The following SAMD11 variants were observed in gnomAD, a reference collection of about 807,000 sequenced individuals.
SAMD11 encodes the protein sterile alpha motif domain-containing protein 11.
In SAMD11, 77 loss-of-function variants were observed where a neutral mutation model predicts 64.4. The ratio of observed to expected loss-of-function variants is 1.20; its 90% CI spans 0.99 to 1.44. The LOEUF is 1.44. SAMD11 is among the 40% of genes most tolerant of loss of function. SAMD11 has a pLI of 0.00. For missense variants in SAMD11, 1,402 were observed against 943.3 expected (o/e 1.49, Z -6.37); for synonymous variants, 658 against 421.9 (o/e 1.56, Z -6.86).
In SAMD11 at chr1:944,353, G is replaced by C; in HGVS notation, c.*200G>C. Reference sequence around the variant, plus strand: ...GGCAGAGCCTGGTGCAGATGGACGAGGTCTGCAGACGGAGGGCAGAGGTGG... The same window carrying C: ...GGCAGAGCCTGGTGCAGATGGACGACGTCTGCAGACGGAGGGCAGAGGTGG... On this transcript the variant is annotated 3_prime_UTR_variant, in exon 14 of 14. Coordinates refer to ENST00000616016, the MANE Select transcript of SAMD11 (RefSeq NM_001385641.1). 1.5e-6 allele frequency: 2 copies of C among 1,368,232 alleles called. No individual in the cohort carries two copies. Among genetic ancestry groups the C allele is most frequent in the Non-Finnish European group, 1.9e-6 (2 of 1,067,722 alleles). 84.8% of individuals were successfully genotyped at this position (1,368,232 alleles called of 1,614,324 possible).
intron 4 of SAMD11, 93 bp from the exon 5 acceptor site, chr1:935,679 C>G (rs1287651376): frequency 6.5e-7 from 1 of 1,544,480 alleles, no homozygotes; most frequent in African/African-American, 1.4e-5. Context: ...CATCCCCACG[C>G]TCACACACAG....
At chr1:927,777 T>C (rs1192108117) in intron 2 of SAMD11, among the ~76,000 whole-genome samples, 3 of 152,262 alleles carry the variant, frequency 2.0e-5, no homozygotes, top group Non-Finnish European at 4.4e-5. Flanking sequence ...ATCTGTGTGC[T>C]GTGGCCGAGG....
intron 1 of SAMD11, 71 bp downstream of exon 1, chr1:925,019 C>T (rs1002772036): frequency 6.6e-6 from 1 of 152,318 alleles, no homozygotes; most frequent in African/African-American, 2.4e-5. Context: ...ACTCGGACAC[C>T]CGGGAGCCTC....
At chr1:938,984 C>T (rs1192717070) in intron 5 of SAMD11, 56 bp from the exon 6 acceptor site, 2 of 1,464,764 alleles carry the variant, frequency 1.4e-6, no homozygotes, top group African/African-American at 1.4e-5. Flanking sequence ...GGAGCAGGGG[C>T]TGGGTTCCCC....
intron 7 of SAMD11, chr1:940,477 A>C (rs1641697005): frequency 6.6e-6 from 1 of 152,128 alleles, no homozygotes; most frequent in Admixed American, 6.5e-5. Context: ...TTAATTTATA[A>C]ACAGAGGCGG....
intron 2 of SAMD11, among the ~76,000 whole-genome samples, chr1:928,902 A>G (rs1641034939): frequency 6.6e-6 from 1 of 152,118 alleles, no homozygotes; most frequent in Admixed American, 6.5e-5. Context: ...TCTGAGGAGG[A>G]CACCCTCCTA....
At chr1:938,288 C>T (rs1344650777) in intron 5 of SAMD11, among the ~76,000 whole-genome samples, 1 of 151,068 alleles carries the variant, frequency 6.6e-6, no homozygotes, top group African/African-American at 2.4e-5. Flanking sequence ...TGGACCTGGC[C>T]TGGGCCTCCC....
intron 8 of SAMD11, among the ~76,000 whole-genome samples, chr1:941,512 CA>C (rs989679967): frequency 2.4e-4 from 37 of 152,108 alleles, no homozygotes; most frequent in East Asian, 1.2e-3. Flanking sequence ...TGAGGCCCAT[CA>C]GGGGGTTCCC....
At chr1:937,396 G>GCCC (rs5772023) in intron 5 of SAMD11, among the ~76,000 whole-genome samples, 11 of 134,728 alleles carry the variant, frequency 8.2e-5, no homozygotes, top group African/African-American at 3.0e-4. Flanking sequence ...CCTTCCACCT[G>GCCC]CCCCCCCCCC....
Position 925,917 on chromosome 1 carries a change from C to T in SAMD11, c.518-5C>T, listed in dbSNP as rs1470043594. 1.1e-5 allele frequency: 17 copies of T among 1,606,402 alleles called. No individual in the cohort carries two copies. The highest frequency in any genetic ancestry group is 1.7e-4 in the Middle Eastern group (1 of 6,052). ...TCACAGGGTCTGCCTCGGCTCTGCT[C>T]GCAGGGAAAAGTCTGAAGACGCTTA... On this transcript the variant is annotated splice_region_variant and splice_polypyrimidine_tract_variant and intron_variant, in intron 1 of 13. Transcript: ENST00000616016.
chr1:925,762 G>T (rs1457632136), intron 1 of SAMD11, 160 bp from the exon 2 acceptor site: 2 of 617,130 alleles, frequency 3.2e-6, no homozygotes, highest in South Asian at 1.8e-5. Context: ...CGGCGTTCGC[G>T]AGGGTGGGAC....
At position 944,129 on chromosome 1, in the gene SAMD11, C is replaced by G. The variant is rs754435823; in HGVS notation, c.2511C>G (p.Pro837=). The G allele has an allele frequency of 3.8e-6, 6 of 1,589,112 alleles. No individual in the cohort carries two copies. Among genetic ancestry groups the G allele is most frequent in the South Asian group, 1.1e-5 (1 of 87,990 alleles). ...NGTLALLPGA[P]DPSQPLC The stretch of plus-strand genomic sequence containing the variant: ...CCTTGGCTCTACTTCCAGGGGCCCC[C>G]GACCCTTCCCAGCCTCTGTGTTGAG... Residue 837 remains proline, a synonymous_variant, in exon 14 of 14, where the codon CCC becomes CCG. Coordinates refer to ENST00000616016, the MANE Select transcript of SAMD11 (RefSeq NM_001385641.1).
intron 2 of SAMD11, among the ~76,000 whole-genome samples, chr1:926,323 C>G (rs1041710368): frequency 8.5e-5 from 13 of 152,232 alleles, no homozygotes; most frequent in Non-Finnish European, 1.9e-4. Flanking sequence ...GGTCTTCTCC[C>G]TGGGAGGAGT....
Position 943,111 on chromosome 1 carries a change from G to A in SAMD11, c.2053+53G>A, listed in dbSNP as rs1056071160. The A allele has an allele frequency of 2.9e-5, 45 of 1,552,118 alleles. No homozygotes were observed. In the South Asian group the frequency reaches 3.5e-4, roughly 12 times the overall value. ...CCAGAGGGCACAGGACTGGCAGGCCGCCTGTGGAAGGGTCTTGGGGGGAGG... is the reference window on the plus strand; with the variant it reads ...CCAGAGGGCACAGGACTGGCAGGCCACCTGTGGAAGGGTCTTGGGGGGAGG... On this transcript the variant is annotated intron_variant, in intron 11 of 13. Coordinates refer to ENST00000616016, the MANE Select transcript of SAMD11 (RefSeq NM_001385641.1).
chr1:939,972 C>G (rs1046519174), intron 7 of SAMD11, among the ~76,000 whole-genome samples: 1 of 152,102 alleles, frequency 6.6e-6, no homozygotes, highest in African/African-American at 2.4e-5. Flanking sequence ...GGACGTTCTC[C>G]AGGGGTCCCT....
Position 942,685 on chromosome 1 carries a change from G to T in SAMD11, c.1680G>T (p.Leu560=). Residue 560 remains leucine (L), a synonymous_variant, in exon 11 of 14, where the codon CTG becomes CTT. Coordinates refer to ENST00000616016, the MANE Select transcript of SAMD11 (RefSeq NM_001385641.1). ...GAEELQRRGA[L]LVLNHGAAPL... is the part of the protein sequence containing the mutation. ...AGGAGCTGCAGCGGCGCGGGGCCCT[G>T]CTGGTGCTGAACCACGGCGCGGCGC... 6.9e-7 allele frequency: 1 copy of T among 1,439,568 alleles called. No homozygotes were observed. The highest frequency in any genetic ancestry group is 9.0e-7 in the Non-Finnish European group (1 of 1,106,190). 89.2% of individuals were successfully genotyped at this position (1,439,568 alleles called of 1,614,324 possible). A position where few individuals can be genotyped will look rare whatever the true frequency, so the allele number is the denominator to read the frequency against.
chr1:940,930 G>A (rs928737512), intron 7 of SAMD11: 11 of 518,208 alleles, frequency 2.1e-5, no homozygotes, highest in African/African-American at 2.0e-4. Flanking sequence ...CTTCGGGGAA[G>A]AGCTTTTCCC....
intron 2 of SAMD11, among the ~76,000 whole-genome samples, chr1:927,965 T>C (rs942127219): frequency 6.6e-6 from 1 of 152,234 alleles, no homozygotes; most frequent in Non-Finnish European, 1.5e-5. Context: ...CTGAGGCTGG[T>C]ATACAGCCTG....
chr1:943,001 C>A lies in SAMD11; in HGVS notation c.1996C>A (p.Pro666Thr). ...GAGAEGKGLFPGSTLPLGFPY... is the reference protein window; with the variant it reads ...GAGAEGKGLFTGSTLPLGFPY... ...CGGCGCCGAGGGGAAGGGGCTTTTC[C>A]CAGGGTCCACACTGCCCCTGGGCTT... is the stretch of plus-strand genomic sequence containing the variant. Residue 666 changes from proline to threonine, a missense_variant, in exon 11 of 14, where the codon CCA becomes ACA. Physicochemically the swap from Pro to Thr is conservative, Grantham distance 38 (BLOSUM62 -1). Transcript: ENST00000616016. 6.5e-7 allele frequency: 1 copy of A among 1,540,390 alleles called. No homozygotes were observed. Among genetic ancestry groups the A allele is most frequent in the East Asian group, 2.4e-5 (1 of 42,548 alleles).
Sources: gnomAD v4.1 joint callset for allele counts (sites outside exome capture counted in the v4.1 genomes callset) on GRCh38, gnomAD v4.1.1 for gene constraint, MANE v1.5 for transcripts, NCBI Gene and HGNC (gene_info 2026-07-23, HGNC 2026-07-21) for gene names.